The following SMARCC1 variants were observed in gnomAD, a reference collection of about 807,000 sequenced individuals.
SMARCC1 encodes SWI/SNF complex subunit SMARCC1.
SMARCC1 carries 43 observed loss-of-function variants against 147.4 expected under a neutral mutation model. The observed-to-expected ratio is 0.29, with a 90% CI of 0.23 to 0.38. The LOEUF is 0.38. SMARCC1 is among the 10% of genes least tolerant of loss of function. The pLI is 1.00. For synonymous variants in SMARCC1, 495 were observed against 484.4 expected, an observed-to-expected ratio of 1.02 and a Z score of -0.29; for missense variants, 1,119 against 1,381.1, an observed-to-expected ratio of 0.81 and a Z score of 3.01.
intron 7 of SMARCC1, among the ~76,000 whole-genome samples, chr3:47,719,157 G>A (rs1044641143): frequency 2.0e-5 from 3 of 151,504 alleles, no homozygotes; most frequent in South Asian, 2.1e-4. Context: ...CTCGTGATCC[G>A]CCCGCCTTGG....
intron 4 of SMARCC1, 43 bp from the exon 5 acceptor site, chr3:47,736,169 AAAT>A (rs775807400): frequency 1.8e-6 from 2 of 1,092,380 alleles, no homozygotes; most frequent in Non-Finnish European, 2.7e-6. Context: ...CTTAGTTTTG[AAAT>A]AATATCATAT....
intron 2 of SMARCC1, among the ~76,000 whole-genome samples, chr3:47,747,440 AAAATATAAATATAAATATAAATAT>A (rs1222782989): frequency 8.3e-6 from 1 of 120,858 alleles, no homozygotes; most frequent in African/African-American, 3.0e-5. Context: ...TTGTCTCAAA[AAAATATAAATATAAATATAAATAT>A]AAATATAAAT....
At chr3:47,744,772 C>T (rs958125248) in intron 3 of SMARCC1, among the ~76,000 whole-genome samples, 1 of 151,254 alleles carries the variant, frequency 6.6e-6, no homozygotes, top group East Asian at 1.9e-4. Context: ...CTCCAGAGTT[C>T]AAGAGAAAAA....
At chr3:47,622,180 A>C (rs2032744398) in intron 25 of SMARCC1, 27 bp downstream of exon 25, 1 of 1,588,718 alleles carries the variant, frequency 6.3e-7, no homozygotes, top group Non-Finnish European at 8.5e-7. Flanking sequence ...ATTGTGAAAA[A>C]GCCACTAAAA....
At chr3:47,748,000 A>C (rs749136476) in intron 2 of SMARCC1, among the ~76,000 whole-genome samples, 1 of 151,818 alleles carries the variant, frequency 6.6e-6, no homozygotes, top group Non-Finnish European at 1.5e-5. Flanking sequence ...TCTACTAAAA[A>C]TACAAAAATT....
At chr3:47,694,239 T>C (rs2033822058) in intron 11 of SMARCC1, among the ~76,000 whole-genome samples, 1 of 152,230 alleles carries the variant, frequency 6.6e-6, no homozygotes, top group Non-Finnish European at 1.5e-5. Flanking sequence ...TGTGGGTGCA[T>C]GCAATTATTT....
At chr3:47,715,226 T>C (rs1441832898) in intron 7 of SMARCC1, among the ~76,000 whole-genome samples, 3 of 152,194 alleles carry the variant, frequency 2.0e-5, no homozygotes, top group African/African-American at 7.2e-5. Context: ...CTCTCCCATG[T>C]ATTCTGAACT....
intron 26 of SMARCC1, among the ~76,000 whole-genome samples, chr3:47,600,374 G>A (rs2032363945): frequency 1.3e-5 from 2 of 152,176 alleles, no homozygotes; most frequent in African/African-American, 4.8e-5. Context: ...TGGGGCAGTG[G>A]GTTTAGAGAA....
chr3:47,659,755 A>AT (rs1190663193), intron 21 of SMARCC1, among the ~76,000 whole-genome samples: 5 of 57,886 alleles, frequency 8.6e-5, no homozygotes, highest in African/African-American at 3.1e-4. Flanking sequence ...ACTAAGAAAA[A>AT]AAAAAGGGGG....
intron 21 of SMARCC1, among the ~76,000 whole-genome samples, chr3:47,658,915 C>T (rs920486918): frequency 3.9e-5 from 6 of 151,940 alleles, no homozygotes; most frequent in Non-Finnish European, 5.9e-5. Flanking sequence ...GTCAGGAGTT[C>T]GAGACCAACC....
intron 3 of SMARCC1, among the ~76,000 whole-genome samples, chr3:47,738,669 C>T (rs2034473505): frequency 6.7e-6 from 1 of 150,022 alleles, no homozygotes; most frequent in African/African-American, 2.5e-5. Flanking sequence ...GGTGACAGAG[C>T]AAGACTCCGT....
Position 47,622,233 on chromosome 3 carries a change from T to C in SMARCC1, c.2755A>G (p.Thr919Ala). The C allele has an allele frequency of 6.2e-7, 1 of 1,604,692 alleles. No homozygotes were observed. The highest frequency in any genetic ancestry group is 8.5e-7 in the Non-Finnish European group (1 of 1,177,972). Residue 919 changes from threonine (T) to alanine (A), a missense_variant, in exon 25 of 28, where the codon ACT becomes GCT. Physicochemically the swap from Thr to Ala is moderately conservative, Grantham distance 58. Transcript: ENST00000254480. ...IKLRHFEELE[T>A]IMDREKEALE... Reference sequence around the variant, plus strand: ...GCTTCTTTCTCTCTGTCCATGATAGTTTCCAGCTCTTCAAAATGTCGAAGT... The same window carrying C: ...GCTTCTTTCTCTCTGTCCATGATAGCTTCCAGCTCTTCAAAATGTCGAAGT...
intron 5 of SMARCC1, among the ~76,000 whole-genome samples, chr3:47,734,095 T>C (rs2034411849): frequency 6.6e-6 from 1 of 152,004 alleles, no homozygotes; most frequent in African/African-American, 2.4e-5. Flanking sequence ...ATATATAAAA[T>C]GTTTCCAGTA....
chr3:47,610,338 AG>A lies in SMARCC1; in HGVS notation c.2782-12del. 6.2e-7 allele frequency: 1 copy of A among 1,613,998 alleles called. No individual in the cohort carries two copies. The highest frequency in any genetic ancestry group is 1.7e-5 in the Admixed American group (1 of 60,030). On this transcript the variant is annotated splice_polypyrimidine_tract_variant and intron_variant, in intron 25 of 27. Coordinates refer to ENST00000254480, the MANE Select transcript of SMARCC1 (RefSeq NM_003074.4). ...CCTCTGTTGTTCTAGCTGTAAGCAAAGGAAGTGGAAGAGAAATGACACCAGA... is the reference window on the plus strand; with the variant it reads ...CCTCTGTTGTTCTAGCTGTAAGCAAAGAAGTGGAAGAGAAATGACACCAGA...
At chr3:47,734,001 A>G (rs538520065) in intron 5 of SMARCC1, among the ~76,000 whole-genome samples, 2 of 152,066 alleles carry the variant, frequency 1.3e-5, no homozygotes, top group Non-Finnish European at 2.9e-5. Context: ...ATGTATGTAT[A>G]TCTACATATA....
At chr3:47,671,198 A>AAAAAAAAAC (rs2033497285) in intron 18 of SMARCC1, among the ~76,000 whole-genome samples, 1 of 136,680 alleles carries the variant, frequency 7.3e-6, no homozygotes, top group African/African-American at 2.8e-5. Flanking sequence ...AAAAAAAAAA[A>AAAAAAAAAC]CACACACAAA....
intron 26 of SMARCC1, among the ~76,000 whole-genome samples, chr3:47,601,426 G>C (rs1301788508): frequency 1.3e-5 from 2 of 152,178 alleles, no homozygotes; most frequent in Non-Finnish European, 2.9e-5. Context: ...TCCTCTGGCT[G>C]AGTCTCCTGG....
intron 11 of SMARCC1, among the ~76,000 whole-genome samples, chr3:47,695,892 C>A (rs78662360): frequency 1.7e-5 from 2 of 115,394 alleles, no homozygotes; most frequent in East Asian, 5.0e-4. Context: ...GGTGAAACCC[C>A]GTCTCTACTA....
At chr3:47,739,798 A>G (rs1334648731) in intron 3 of SMARCC1, among the ~76,000 whole-genome samples, 1 of 152,062 alleles carries the variant, frequency 6.6e-6, no homozygotes, top group African/African-American at 2.4e-5. Context: ...GCTACCCACT[A>G]CCACTCAATG....
Sources: gnomAD v4.1 joint callset for allele counts (sites outside exome capture counted in the v4.1 genomes callset) on GRCh38, gnomAD v4.1.1 for gene constraint, MANE v1.5 for transcripts, NCBI Gene and HGNC (gene_info 2026-07-23, HGNC 2026-07-21) for gene names.